Variants in FBN1 observed in about 807,000 individuals in gnomAD.
The protein encoded by FBN1 is fibrillin 1.
In FBN1, 29 loss-of-function variants were observed where a neutral mutation model predicts 365.1. That is an observed-to-expected ratio of 0.08 (90% CI 0.06 to 0.11). The LOEUF (loss-of-function observed/expected upper bound fraction) is 0.11, where lower values mean the gene tolerates loss of function less well. FBN1 is among the 10% of genes least tolerant of loss of function. FBN1 has a pLI of 1.00. For missense variants in FBN1, 2,476 were observed against 3,703.2 expected (o/e 0.67, Z 8.60); for synonymous variants, 1,210 against 1,270.5 (o/e 0.95, Z 1.01).
At chr15:48,533,018 T>C (rs554729390) in intron 8 of FBN1, among the ~76,000 whole-genome samples, 1 of 152,202 alleles carries the variant, frequency 6.6e-6, no homozygotes, top group Non-Finnish European at 1.5e-5. Context: ...GGCAAGTAGA[T>C]ATTAAATGTC....
At chr15:48,644,430 G>C (rs1890252689) in intron 2 of FBN1, 176 bp downstream of exon 2, 2 of 806,638 alleles carry the variant, frequency 2.5e-6, no homozygotes, top group South Asian at 3.3e-5. Context: ...ATCTCTGGGA[G>C]TAGGGGCAAG....
intron 6 of FBN1, among the ~76,000 whole-genome samples, chr15:48,590,892 T>C (rs1043162040): frequency 2.6e-5 from 4 of 152,224 alleles, no homozygotes; most frequent in African/African-American, 7.2e-5. Context: ...GCCAACAGAC[T>C]TTCTTAAGTT....
rs2042837567 is a variant in FBN1 at position 48,408,703 on chromosome 15, A to G, written c.*2287T>C. On this transcript the variant is annotated 3_prime_UTR_variant, in exon 66 of 66. Transcript: ENST00000316623. ...GAATATTTACAATGGAACAATGAGG[A>G]AAATGTTTTGTTACAGTCAGAAACA... 6.6e-6 allele frequency: 1 copy of G among 152,666 alleles called. No homozygotes were observed. Among genetic ancestry groups the G allele is most frequent in the Admixed American group, 6.5e-5 (1 of 15,288 alleles). The allele number at this position is 152,666 out of a possible 1,614,324, so 9.5% of individuals were successfully genotyped here.
In FBN1 at chr15:48,481,702, T is replaced by A; in HGVS notation, c.3917A>T (p.His1306Leu). ...TTTGCCGGAGTAGCCCATATCACAG[T>A]GGCAGATAAATGAGCCTTTCGTGTT... ...CENTKGSFIC[H>L]CDMGYSGKKG... Residue 1306 changes from histidine (H) to leucine (L), a missense_variant, in exon 32 of 66, where the codon CAC becomes CTC. By Grantham distance (99) the His-to-Leu change is moderately conservative (BLOSUM62 -3). Coordinates refer to ENST00000316623, the MANE Select transcript of FBN1 (RefSeq NM_000138.5). The A allele has an allele frequency of 6.2e-7, 1 of 1,613,876 alleles. No homozygotes were observed. Among genetic ancestry groups the A allele is most frequent in the Non-Finnish European group, 8.5e-7 (1 of 1,179,786 alleles).
chr15:48,414,773 G>GTA (rs2042888862), intron 64 of FBN1, among the ~76,000 whole-genome samples: 1 of 151,940 alleles, frequency 6.6e-6, no homozygotes, highest in African/African-American at 2.4e-5. Flanking sequence ...GCGGGCACCT[G>GTA]TAGTCCCAGC....
At chr15:48,443,596 A>T (rs2043132731) in intron 49 of FBN1, among the ~76,000 whole-genome samples, 1 of 152,226 alleles carries the variant, frequency 6.6e-6, no homozygotes, top group South Asian at 2.1e-4. Context: ...GATATATAAT[A>T]AAATTTCTAA....
intron 2 of FBN1, among the ~76,000 whole-genome samples, chr15:48,630,410 A>G (rs1428244795): frequency 3.9e-5 from 6 of 152,158 alleles, no homozygotes; most frequent in Non-Finnish European, 2.9e-5. Context: ...GTGTCAAACA[A>G]CCTATTTTCA....
At chr15:48,503,154 C>T (rs531096234) in intron 17 of FBN1, among the ~76,000 whole-genome samples, 66 of 151,732 alleles carry the variant, frequency 4.3e-4, no homozygotes, top group African/African-American at 1.5e-3. Flanking sequence ...AAAAATTAGC[C>T]GGGCGTGGTG....
chr15:48,535,471 A>C (rs2044005959), intron 7 of FBN1, among the ~76,000 whole-genome samples: 1 of 152,208 alleles, frequency 6.6e-6, no homozygotes. Context: ...TTTTGTTATA[A>C]AGATTATAAA....
intron 37 of FBN1, 61 bp downstream of exon 37, chr15:48,468,351 G>A: frequency 1.3e-6 from 2 of 1,596,666 alleles, no homozygotes; most frequent in Non-Finnish European, 1.7e-6. Flanking sequence ...GGAATGTTTG[G>A]TGCTGTTTTC....
chr15:48,545,853 C>T (rs1017981742), intron 6 of FBN1, among the ~76,000 whole-genome samples: 2 of 152,144 alleles, frequency 1.3e-5, no homozygotes, highest in Middle Eastern at 3.4e-3. Flanking sequence ...AAAACCCCAT[C>T]TTTACAAAAA....
chr15:48,454,111 A>G (rs1447319444), intron 44 of FBN1, among the ~76,000 whole-genome samples: 2 of 152,242 alleles, frequency 1.3e-5, no homozygotes, highest in Non-Finnish European at 2.9e-5. Context: ...AATGTCTCAA[A>G]TCTTAAAGTC....
At chr15:48,483,294 A>C (rs1392815524) in intron 31 of FBN1, among the ~76,000 whole-genome samples, 1 of 152,230 alleles carries the variant, frequency 6.6e-6, no homozygotes, top group African/African-American at 2.4e-5. Flanking sequence ...ATATATGAAA[A>C]AATACCCAAG....
intron 2 of FBN1, among the ~76,000 whole-genome samples, chr15:48,624,436 G>A (rs1889833851): frequency 6.6e-6 from 1 of 152,212 alleles, no homozygotes; most frequent in Admixed American, 6.5e-5. Context: ...TGGCCTACTG[G>A]CGTCACATGT....
At chr15:48,414,894 T>TAA (rs11299662) in intron 64 of FBN1, among the ~76,000 whole-genome samples, 38 of 137,112 alleles carry the variant, frequency 2.8e-4, no homozygotes, top group African/African-American at 9.7e-4. Context: ...AGACTCCGTC[T>TAA]AAAAAAAAAA....
At chr15:48,524,236 G>A (rs903757380) in intron 9 of FBN1, among the ~76,000 whole-genome samples, 1 of 152,178 alleles carries the variant, frequency 6.6e-6, no homozygotes, top group Admixed American at 6.5e-5. Flanking sequence ...GAACACAAAG[G>A]GAGCTCGGGG....
At chr15:48,579,031 GA>G (rs112980113) in intron 6 of FBN1, among the ~76,000 whole-genome samples, 13,892 of 130,828 alleles carry the variant, frequency 0.11, 2,121 homozygotes, top group African/African-American at 0.35. Flanking sequence ...TAAAAAAGGG[GA>G]AAAAAAAAAA....
intron 38 of FBN1, 133 bp downstream of exon 38, chr15:48,467,805 A>C: frequency 4.8e-6 from 4 of 834,096 alleles, no homozygotes; most frequent in Non-Finnish European, 8.2e-6. Flanking sequence ...AATTGGGAAT[A>C]AGGTCCCCTC....
chr15:48,524,782 A>G (rs980999589), intron 9 of FBN1, among the ~76,000 whole-genome samples: 14 of 152,272 alleles, frequency 9.2e-5, no homozygotes, highest in Admixed American at 8.5e-4. Context: ...CATCTACAAT[A>G]CTGCTGTGAA....
Sources: allele counts gnomAD v4.1 joint callset (sites outside exome capture counted in the v4.1 genomes callset), GRCh38; gene constraint gnomAD v4.1.1; transcripts MANE v1.5; gene names NCBI Gene and HGNC (gene_info 2026-07-23, HGNC 2026-07-21).